The following GALNT13 variants were observed in gnomAD, a reference collection of about 807,000 sequenced individuals.
GALNT13 encodes polypeptide N-acetylgalactosaminyltransferase 13, also known as UDP-GalNAc:polypeptide N-acetylgalactosaminyltransferase 13.
Under a neutral mutation model 64.2 loss-of-function variants are expected in GALNT13, and 28 were observed. The observed-to-expected ratio is 0.44, with a 90% CI of 0.32 to 0.60. GALNT13 has a LOEUF of 0.60. GALNT13 is among the 20% of genes least tolerant of loss of function. The pLI, the probability that GALNT13 is intolerant of heterozygous loss-of-function variation, is 0.05. For synonymous variants in GALNT13, 214 were observed against 224.6 expected (o/e 0.95, Z 0.42); for missense variants, 577 against 669.8 (o/e 0.86, Z 1.53).
intron 4 of GALNT13, among the ~76,000 whole-genome samples, chr2:154,223,575 C>A (rs1688436726): frequency 6.6e-6 from 1 of 151,532 alleles, no homozygotes; most frequent in African/African-American, 2.4e-5. Flanking sequence ...CCTCAGCCTC[C>A]TGAGTAGCAG....
At chr2:153,437,630 C>G in the GALNT13 span, among the ~76,000 whole-genome samples, 1 of 152,134 alleles carries the variant, frequency 6.6e-6, no homozygotes, top group Non-Finnish European at 1.5e-5. Flanking sequence ...TCTGTTTTAT[C>G]AGAGACTAGG....
chr2:153,546,241 G>T, the GALNT13 span, among the ~76,000 whole-genome samples: 2 of 152,150 alleles, frequency 1.3e-5, no homozygotes, highest in Non-Finnish European at 2.9e-5. Flanking sequence ...GTAATTATTT[G>T]CTTAGAATGA....
chr2:153,337,872 ATAAT>A, the GALNT13 span: 1 of 152,226 alleles, frequency 6.6e-6, no homozygotes, highest in African/African-American at 2.4e-5. Context: ...ATCTAATAAA[ATAAT>A]TAAAGTAGTC....
intron 3 of GALNT13, among the ~76,000 whole-genome samples, chr2:153,963,024 T>C (rs1448262336): frequency 6.6e-6 from 1 of 152,188 alleles, no homozygotes; most frequent in African/African-American, 2.4e-5. Context: ...TGGGTAATTA[T>C]TAAAGAACAG....
chr2:153,559,207 C>T, the GALNT13 span, among the ~76,000 whole-genome samples: 1 of 152,016 alleles, frequency 6.6e-6, no homozygotes, highest in East Asian at 1.9e-4. Context: ...TATGTAATAG[C>T]CAGTTTGTAT....
rs1698974171 is a variant in GALNT13, at chr2:154,041,498, A to G, written c.142+96859A>G. ...ACAGATATTAAGACAGAATCAATCAAAACCAACGTAAACACACTGTTAAAT... is the reference window on the plus strand; with the variant it reads ...ACAGATATTAAGACAGAATCAATCAGAACCAACGTAAACACACTGTTAAAT... On this transcript the variant is annotated intron_variant, in intron 3 of 12. Coordinates refer to ENST00000392825, the MANE Select transcript of GALNT13 (RefSeq NM_052917.4). Among the ~76,000 whole-genome samples, 2 of 140,118 alleles carry G rather than the reference A, an allele frequency of 1.4e-5. 1 individual carries two copies. Among genetic ancestry groups the G allele is most frequent in the Non-Finnish European group, 3.3e-5 (2 of 61,072 alleles). The allele number at this position is 140,118 out of a possible 152,430, so 91.9% of individuals were successfully genotyped here.
At chr2:153,704,467 A>G in the GALNT13 span, among the ~76,000 whole-genome samples, 2 of 152,118 alleles carry the variant, frequency 1.3e-5, no homozygotes, top group African/African-American at 4.8e-5. Flanking sequence ...CATAACTATA[A>G]TTTTCTCATT....
chr2:154,311,641 C>A (rs962254929), intron 9 of GALNT13, among the ~76,000 whole-genome samples: 4 of 152,130 alleles, frequency 2.6e-5, no homozygotes, highest in Non-Finnish European at 5.9e-5. Context: ...TTGAGATCAA[C>A]CAGTCTGACC....
At chr2:154,447,200 A>G (rs1701632987) in intron 12 of GALNT13, among the ~76,000 whole-genome samples, 1 of 151,954 alleles carries the variant, frequency 6.6e-6, no homozygotes, top group South Asian at 2.1e-4. Flanking sequence ...CTTTTTATTC[A>G]GATACTTTGG....
intron 1 of GALNT13, among the ~76,000 whole-genome samples, chr2:153,883,151 A>G (rs1363032106): frequency 6.7e-6 from 1 of 149,982 alleles, no homozygotes; most frequent in Non-Finnish European, 1.5e-5. Flanking sequence ...TGGATGATAT[A>G]GAAAAGGAAC....
intron 3 of GALNT13, among the ~76,000 whole-genome samples, chr2:154,025,032 C>T (rs1245421730): frequency 6.6e-6 from 1 of 152,186 alleles, no homozygotes; most frequent in Non-Finnish European, 1.5e-5. Flanking sequence ...ACAGATGCTG[C>T]TGCCTGATCG....
the GALNT13 span, among the ~76,000 whole-genome samples, chr2:153,652,547 G>A: frequency 1.4e-4 from 22 of 152,148 alleles, no homozygotes; most frequent in South Asian, 4.2e-4. Flanking sequence ...CCCAGGAGGC[G>A]GAGGTTGCAG....
At chr2:153,928,840 A>T (rs1558858828) in intron 2 of GALNT13, among the ~76,000 whole-genome samples, 1 of 152,284 alleles carries the variant, frequency 6.6e-6, no homozygotes, top group African/African-American at 2.4e-5. Flanking sequence ...AAATTCAAGC[A>T]TGGCTGAAGA....
At chr2:153,112,357 A>G in the GALNT13 span, among the ~76,000 whole-genome samples, 1 of 152,120 alleles carries the variant, frequency 6.6e-6, no homozygotes, top group African/African-American at 2.4e-5. Flanking sequence ...CTTGTCCATC[A>G]GTGCCTATGA....
chr2:154,211,629 CAAAAAAAAAAAAAA>C lies in GALNT13; in HGVS notation c.312-30388_312-30375del, dbSNP rs140095331. Among the ~76,000 whole-genome samples, 5 of 37,932 alleles carry C rather than the reference CAAAAAAAAAAAAAA, an allele frequency of 1.3e-4. 1 individual carries two copies. The South Asian group carries it at 6.9e-3, about 53-fold the overall frequency. The allele number at this position is 37,932 out of a possible 152,430, so 24.9% of individuals were successfully genotyped here. On this transcript the variant is annotated intron_variant, in intron 4 of 12. Transcript: ENST00000392825. ...GGCAACAAGAGCGAAACTCCATCTC[CAAAAAAAAAAAAAA>C]AAAAAAAAAAAAGAAAAGAAAAGAA...
At chr2:153,972,507 A>T (rs1432235044) in intron 3 of GALNT13, among the ~76,000 whole-genome samples, 1 of 152,082 alleles carries the variant, frequency 6.6e-6, no homozygotes, top group Non-Finnish European at 1.5e-5. Context: ...CAATAACTAC[A>T]TATTGAGAAT....
intron 9 of GALNT13, among the ~76,000 whole-genome samples, chr2:154,308,898 G>T (rs936694499): frequency 6.6e-6 from 1 of 151,942 alleles, no homozygotes; most frequent in Non-Finnish European, 1.5e-5. Context: ...AAACAGTTTT[G>T]GATTCTATAA....
the GALNT13 span, among the ~76,000 whole-genome samples, chr2:153,857,580 C>G: frequency 3.9e-5 from 6 of 152,066 alleles, no homozygotes; most frequent in African/African-American, 1.4e-4. Flanking sequence ...AGGTCATGAT[C>G]TTTTGTTTTT....
chr2:153,155,116 G>A, the GALNT13 span, among the ~76,000 whole-genome samples: 2 of 152,124 alleles, frequency 1.3e-5, no homozygotes, highest in African/African-American at 4.8e-5. Flanking sequence ...ATGCATTACT[G>A]GGTTCAGTTT....
Sources: gnomAD v4.1 joint callset for allele counts (sites outside exome capture counted in the v4.1 genomes callset) on GRCh38, gnomAD v4.1.1 for gene constraint, MANE v1.5 for transcripts, NCBI Gene and HGNC (gene_info 2026-07-23, HGNC 2026-07-21) for gene names.